Variants in ACTR3C observed in about 807,000 individuals in gnomAD.
ACTR3C encodes the protein actin-related protein 3C.
ACTR3C carries 18 observed loss-of-function variants against 26.3 expected under a neutral mutation model. That is an observed-to-expected ratio of 0.68 (90% confidence interval 0.47 to 1.01). The LOEUF is 1.01. Ranked by LOEUF, ACTR3C falls within the 50% of genes least tolerant of loss-of-function variation. ACTR3C has a pLI of 0.00. For missense variants in ACTR3C, 184 were observed against 250.7 expected (o/e 0.73, Z 1.80); for synonymous variants, 55 against 94.5 (o/e 0.58, Z 2.42).
the ACTR3C span, among the ~76,000 whole-genome samples, chr7:150,078,143 C>T: frequency 6.6e-6 from 1 of 152,200 alleles, no homozygotes; most frequent in Non-Finnish European, 1.5e-5. Context: ...ACCTTTATCA[C>T]TAGGATGTTT....
chr7:150,123,608 CACACAA>C, the ACTR3C span, among the ~76,000 whole-genome samples: 1,428 of 140,854 alleles, frequency 0.01, 8 homozygotes, highest in African/African-American at 0.012. Context: ...CACACACACA[CACACAA>C]ACACACACCC....
chr7:150,189,192 C>G, the ACTR3C span, among the ~76,000 whole-genome samples: 1 of 151,724 alleles, frequency 6.6e-6, no homozygotes, highest in Non-Finnish European at 1.5e-5. Flanking sequence ...TAACATATAA[C>G]CTTATTAGAA....
At chr7:149,945,436 C>T in the ACTR3C span, among the ~76,000 whole-genome samples, 26 of 152,114 alleles carry the variant, frequency 1.7e-4, no homozygotes, top group Non-Finnish European at 3.5e-4. Context: ...TGAACCGTGT[C>T]GAGACCAAAA....
At chr7:149,991,762 A>C in the ACTR3C span, among the ~76,000 whole-genome samples, 1 of 152,072 alleles carries the variant, frequency 6.6e-6, no homozygotes, top group Admixed American at 6.5e-5. Flanking sequence ...ACAGAGTCTC[A>C]CTCTATCACC....
chr7:150,284,067 C>T (rs28537798), intron 6 of ACTR3C, among the ~76,000 whole-genome samples: 6,915 of 151,634 alleles, frequency 0.046, 492 homozygotes, highest in African/African-American at 0.16. Flanking sequence ...GGGCTCTAAC[C>T]TCTATGTGAT....
chr7:149,956,397 T>C, the ACTR3C span, among the ~76,000 whole-genome samples: 1 of 151,474 alleles, frequency 6.6e-6, no homozygotes, highest in Non-Finnish European at 1.5e-5. Flanking sequence ...TCTCTCTTTT[T>C]AATATAAAAA....
chr7:149,982,238 A>G, the ACTR3C span, among the ~76,000 whole-genome samples: 1 of 152,156 alleles, frequency 6.6e-6, no homozygotes. Flanking sequence ...ATGGAGTTGG[A>G]TGTGCCTTAG....
At chr7:149,944,568 A>T in the ACTR3C span, among the ~76,000 whole-genome samples, 1 of 150,210 alleles carries the variant, frequency 6.7e-6, no homozygotes, top group South Asian at 2.1e-4. Context: ...GTAACATGCA[A>T]TGTGAAGATA....
At chr7:150,163,838 A>G in the ACTR3C span, among the ~76,000 whole-genome samples, 2 of 152,032 alleles carry the variant, frequency 1.3e-5, no homozygotes, top group African/African-American at 4.8e-5. Flanking sequence ...CCATGGACTG[A>G]AAGATGCCCC....
At chr7:150,312,232 CT>C (rs1375793751) in intron 1 of ACTR3C, among the ~76,000 whole-genome samples, 1 of 152,230 alleles carries the variant, frequency 6.6e-6, no homozygotes, top group East Asian at 1.9e-4. Flanking sequence ...CTCTACCAGT[CT>C]TTTCCAACTC....
the ACTR3C span, among the ~76,000 whole-genome samples, chr7:150,196,450 C>T: frequency 2.0e-5 from 3 of 152,052 alleles, no homozygotes; most frequent in Admixed American, 2.0e-4. Flanking sequence ...CCATTGATTC[C>T]TGTCTTGAGT....
chr7:150,272,422 A>G (rs1834519281), intron 6 of ACTR3C, among the ~76,000 whole-genome samples: 1 of 139,442 alleles, frequency 7.2e-6, no homozygotes, highest in Non-Finnish European at 1.5e-5. Flanking sequence ...GTCTGAGCTT[A>G]TTATTTTTCA....
chr7:150,033,748 C>CTG, the ACTR3C span, among the ~76,000 whole-genome samples: 6 of 151,182 alleles, frequency 4.0e-5, no homozygotes, highest in East Asian at 9.9e-4. Flanking sequence ...TCAGTCCCCA[C>CTG]CCTCGTGGGG....
chr7:150,199,782 G>A, the ACTR3C span, among the ~76,000 whole-genome samples: 2 of 139,832 alleles, frequency 1.4e-5, no homozygotes, highest in Admixed American at 1.4e-4. Flanking sequence ...GATTGTGTGA[G>A]GTAACAGATG....
the ACTR3C span, among the ~76,000 whole-genome samples, chr7:150,026,663 C>T: frequency 1.2e-4 from 18 of 152,020 alleles, no homozygotes; most frequent in African/African-American, 4.3e-4. Flanking sequence ...AGAGGGCTGT[C>T]TTTGTTTATA....
chr7:149,906,197 A>G, the ACTR3C span, among the ~76,000 whole-genome samples: 1 of 152,160 alleles, frequency 6.6e-6, no homozygotes, highest in Non-Finnish European at 1.5e-5. Flanking sequence ...AAAACGATGT[A>G]TCTTTGTACA....
chr7:149,912,752 C>T, the ACTR3C span, among the ~76,000 whole-genome samples: 14 of 152,196 alleles, frequency 9.2e-5, no homozygotes, highest in South Asian at 2.1e-3. Flanking sequence ...CTGCCTGCCT[C>T]GGCCTCCCAA....
the ACTR3C span, among the ~76,000 whole-genome samples, chr7:150,157,562 C>T: frequency 6.6e-5 from 10 of 151,924 alleles, no homozygotes; most frequent in Admixed American, 6.6e-4. Context: ...TGGTGCTGCT[C>T]CATGCTCTCT....
the ACTR3C span, among the ~76,000 whole-genome samples, chr7:149,908,236 C>T: frequency 6.6e-6 from 1 of 152,204 alleles, no homozygotes; most frequent in Non-Finnish European, 1.5e-5. Context: ...GGACTTCCAA[C>T]CTCCAGACTA....
Sources: gnomAD v4.1 joint callset for allele counts (sites outside exome capture counted in the v4.1 genomes callset) on GRCh38, gnomAD v4.1.1 for gene constraint, MANE v1.5 for transcripts, NCBI Gene and HGNC (gene_info 2026-07-23, HGNC 2026-07-21) for gene names.